Variants in NDUFA10 observed in about 807,000 individuals in gnomAD.
NDUFA10 encodes the protein NADH:ubiquinone oxidoreductase subunit A10, also known as NADH dehydrogenase [ubiquinone] 1 alpha subcomplex subunit 10, mitochondrial.
In NDUFA10, 40 loss-of-function variants were observed where a neutral mutation model predicts 47.8. That is an observed-to-expected ratio of 0.84 (90% CI 0.65 to 1.09). The LOEUF (loss-of-function observed/expected upper bound fraction) is 1.09. Ranked by LOEUF, NDUFA10 falls within the 50% of genes least tolerant of loss-of-function variation. NDUFA10 has a pLI of 0.00. For missense variants in NDUFA10, 413 were observed against 451.1 expected, an observed-to-expected ratio of 0.92 and a Z score of 0.76; for synonymous variants, 183 against 172.2, an observed-to-expected ratio of 1.06 and a Z score of -0.49.
chr2:239,959,535 C>G lies in NDUFA10; in HGVS notation c.*1583G>C, dbSNP rs1415301731. On this transcript the variant is annotated 3_prime_UTR_variant, in exon 10 of 10. Coordinates refer to ENST00000252711, the MANE Select transcript of NDUFA10 (RefSeq NM_004544.4). ...TTTCATGATTAAAGCTGTTGGTTTC[C>G]TAGTGAAATGCAAAACTTCAGCCAC... 1.0e-6 allele frequency: 1 copy of G among 985,374 alleles called. No individual in the cohort carries two copies. The highest frequency in any genetic ancestry group is 1.1e-4 in the East Asian group (1 of 8,830). 61.0% of individuals were successfully genotyped at this position (985,374 alleles called of 1,614,324 possible).
chr2:239,935,781 T>TC (rs1694255739), intron 4 of NDUFA10, among the ~76,000 whole-genome samples: 1 of 152,222 alleles, frequency 6.6e-6, no homozygotes, highest in Non-Finnish European at 1.5e-5. Context: ...TCCCATTCTC[T>TC]TTTGCCTGCC....
rs768495470 is a variant in NDUFA10 at position 239,977,109 on chromosome 2, C to A, written c.999+12965G>T. 2.0e-5 allele frequency among the ~76,000 whole-genome samples: 3 copies of A among 152,190 alleles called. No homozygotes were observed. In the South Asian group the frequency reaches 6.2e-4, roughly 31 times the overall value. The stretch of plus-strand genomic sequence containing the variant: ...CCAAGCAGATCTCCCTAAACTCAGA[C>A]TGGAAGCCAGGTTCAGGGATAAGGA... On this transcript the variant is annotated intron_variant, in intron 9 of 9. Coordinates refer to ENST00000252711, the MANE Select transcript of NDUFA10 (RefSeq NM_004544.4).
chr2:239,911,672 TGTGTGTGC>T (rs1693757597), intron 4 of NDUFA10, among the ~76,000 whole-genome samples: 1 of 143,742 alleles, frequency 7.0e-6, no homozygotes. Context: ...CATGAGAGAG[TGTGTGTGC>T]GTGTGTGTGT....
chr2:239,977,864 G>A (rs908800290), intron 9 of NDUFA10, among the ~76,000 whole-genome samples: 4 of 152,136 alleles, frequency 2.6e-5, no homozygotes, highest in Non-Finnish European at 5.9e-5. Context: ...AGCTACGCTC[G>A]CAGCACCCTG....
At position 239,959,303 on chromosome 2, in the gene NDUFA10, A is replaced by G; in HGVS notation, c.*1815T>C. 1 of 985,500 alleles carries G rather than the reference A, an allele frequency of 1.0e-6. No homozygotes were observed. Among genetic ancestry groups the G allele is most frequent in the Non-Finnish European group, 1.2e-6 (1 of 829,952 alleles). 61.0% of individuals were successfully genotyped at this position (985,500 alleles called of 1,614,324 possible). A position where few individuals can be genotyped will look rare whatever the true frequency, so the allele number is the denominator to read the frequency against. On this transcript the variant is annotated 3_prime_UTR_variant, in exon 10 of 10. Coordinates refer to ENST00000252711, the MANE Select transcript of NDUFA10 (RefSeq NM_004544.4). ...ACAAGGGCAATCCTGACCACAGGGC[A>G]GACCTGCCCTCTCACTGCTGAGGAC...
rs756419191 is a variant in NDUFA10 at position 240,025,280 on chromosome 2, G to A, written c.22C>T (p.Leu8=). 8 of 1,503,214 alleles carry A rather than the reference G, an allele frequency of 5.3e-6. No homozygotes were observed. The highest frequency in any genetic ancestry group is 5.3e-6 in the Non-Finnish European group (6 of 1,129,518). 93.1% of individuals were successfully genotyped at this position (1,503,214 alleles called of 1,614,324 possible). The change falls in exon 1 of 10, where the codon CTG becomes TTG. Residue 8 remains leucine (L), a synonymous_variant. Transcript: ENST00000252711. ...CGGGCGGACGCGGACGTCGCTGCCA[G>A]CTTCAGGAGCCGCAAGGCCATGGCT... MALRLLK[L]AATSASARVV...
chr2:240,002,330 CAAAAAAAAAAAAAA>C (rs61475593), intron 8 of NDUFA10, among the ~76,000 whole-genome samples: 150 of 83,754 alleles, frequency 1.8e-3, no homozygotes, highest in Non-Finnish European at 3.0e-3. Context: ...AACTCTGACT[CAAAAAAAAAAAAAA>C]AAAAAAAAAA....
chr2:239,978,232 T>C (rs1574839455), intron 9 of NDUFA10, among the ~76,000 whole-genome samples: 1 of 152,184 alleles, frequency 6.6e-6, no homozygotes, highest in Non-Finnish European at 1.5e-5. Context: ...GAGAATGCCT[T>C]AGCCCTTAAA....
chr2:240,021,598 A>G (rs182483789), intron 2 of NDUFA10, among the ~76,000 whole-genome samples, 186 bp from the exon 3 acceptor site: 1 of 152,352 alleles, frequency 6.6e-6, no homozygotes, highest in East Asian at 1.9e-4. Context: ...AACATATACA[A>G]GCAAGCATGT....
At chr2:240,008,888 G>A (rs1343608910) in intron 6 of NDUFA10, among the ~76,000 whole-genome samples, 1 of 152,056 alleles carries the variant, frequency 6.6e-6, no homozygotes, top group Admixed American at 6.6e-5. Flanking sequence ...TAACAACCTC[G>A]GCAACAGACA....
At chr2:239,913,089 G>A (rs1302172951) in intron 4 of NDUFA10, among the ~76,000 whole-genome samples, 1 of 152,204 alleles carries the variant, frequency 6.6e-6, no homozygotes, top group East Asian at 1.9e-4. Flanking sequence ...TGGGGCTGTA[G>A]GATAACCACC....
intron 5 of NDUFA10, among the ~76,000 whole-genome samples, chr2:239,894,687 C>G (rs67432272): frequency 0.12 from 18,954 of 152,164 alleles, 1,322 homozygotes; most frequent in South Asian, 0.18. Flanking sequence ...TGCATTCCTC[C>G]GTCTCTGTGG....
chr2:239,913,181 G>C (rs1693783355), intron 4 of NDUFA10, among the ~76,000 whole-genome samples: 2 of 152,232 alleles, frequency 1.3e-5, no homozygotes. Flanking sequence ...CTGCCAGCTG[G>C]TTGAAAGAGA....
At position 239,960,808 on chromosome 2, in the gene NDUFA10, G is replaced by A. The variant is rs1443731152; in HGVS notation, c.*310C>T. ...ATGTGCACAACCTGAATGACACAGA[G>A]CGGCAGCGCTGAAACCACAGGGGCT... On this transcript the variant is annotated 3_prime_UTR_variant, in exon 10 of 10. Coordinates refer to ENST00000252711, the MANE Select transcript of NDUFA10 (RefSeq NM_004544.4). 3 of 1,294,242 alleles carry A rather than the reference G, an allele frequency of 2.3e-6. No individual in the cohort carries two copies. In the East Asian group the frequency reaches 1.1e-4, roughly 48 times the overall value. The allele number at this position is 1,294,242 out of a possible 1,614,324, so 80.2% of individuals were successfully genotyped here. A position where few individuals can be genotyped will look rare whatever the true frequency, so the allele number is the denominator to read the frequency against.
At chr2:239,954,953 G>A (rs1574804364), downstream of NDUFA10, among the ~76,000 whole-genome samples, 1 of 152,326 alleles carries the variant, frequency 6.6e-6, no homozygotes, top group Admixed American at 6.5e-5. Flanking sequence ...CCTTTCGCCT[G>A]CTGTTGGCAA....
chr2:239,926,039 G>T (rs1694059754), intron 4 of NDUFA10, among the ~76,000 whole-genome samples: 2 of 152,170 alleles, frequency 1.3e-5, no homozygotes, highest in Non-Finnish European at 2.9e-5. Flanking sequence ...ACACATCATT[G>T]GTGGGAATGT....
intron 4 of NDUFA10, among the ~76,000 whole-genome samples, chr2:239,938,325 A>G (rs1347823693): frequency 6.6e-6 from 1 of 151,866 alleles, no homozygotes; most frequent in Non-Finnish European, 1.5e-5. Flanking sequence ...ACCTCCCGCC[A>G]CTCCGCATGC....
In NDUFA10 at chr2:239,957,772, C is replaced by T. The variant is rs1421289815; in HGVS notation, c.*3346G>A. 1 of 152,206 alleles carries T rather than the reference C, an allele frequency of 6.6e-6. No individual in the cohort carries two copies. Among genetic ancestry groups the T allele is most frequent in the African/African-American group, 2.4e-5 (1 of 41,436 alleles). 9.4% of individuals were successfully genotyped at this position (152,206 alleles called of 1,614,324 possible). A position where few individuals can be genotyped will look rare whatever the true frequency, so the allele number is the denominator to read the frequency against. ...CAAGTCCATCACTGGAGCTCCCCGG[C>T]CTCCTGGAATTCAGGTGGCAATGTC... On this transcript the variant is annotated 3_prime_UTR_variant, in exon 10 of 10. Coordinates refer to ENST00000252711, the MANE Select transcript of NDUFA10 (RefSeq NM_004544.4).
rs535267473 is a variant in NDUFA10 at position 239,931,974 on chromosome 2, C to T, written c.295-36660G>A. Reference sequence around the variant, plus strand: ...CCTCAGCCTCCCAAGTAGCTGGGACCACAGGCGCCCATCACCACGCCCAGC... The same window carrying T: ...CCTCAGCCTCCCAAGTAGCTGGGACTACAGGCGCCCATCACCACGCCCAGC... On this transcript the variant is annotated intron_variant, in intron 4 of 5. Transcript: ENST00000419408. Among the ~76,000 whole-genome samples, 5 of 151,748 alleles carry T rather than the reference C, an allele frequency of 3.3e-5. No individual in the cohort carries two copies. The East Asian group carries it at 9.8e-4, about 30-fold the overall frequency.
Sources: allele counts gnomAD v4.1 joint callset (sites outside exome capture counted in the v4.1 genomes callset), GRCh38; gene constraint gnomAD v4.1.1; transcripts MANE v1.5; gene names NCBI Gene and HGNC (gene_info 2026-07-23, HGNC 2026-07-21).